TG: variants seen among roughly 807,000 people sequenced by gnomAD.
TG encodes thyroglobulin.
Under a neutral mutation model 324.7 loss-of-function variants are expected in TG, and 270 were observed. The ratio of observed to expected loss-of-function variants is 0.83; its 90% CI spans 0.75 to 0.92. The LOEUF (loss-of-function observed/expected upper bound fraction) is 0.92, where lower values mean the gene tolerates loss of function less well. TG is among the 40% of genes least tolerant of loss of function. The probability of loss-of-function intolerance (pLI) is 0.00; values close to 1 mark genes in which losing one functional copy is unlikely to be tolerated. For missense variants in TG, 3,591 were observed against 3,456.4 expected (o/e 1.04, Z -0.98); for synonymous variants, 1,401 against 1,327.0 (o/e 1.06, Z -1.21).
intron 10 of TG, among the ~76,000 whole-genome samples, chr8:132,893,217 G>GT (rs1816541499): frequency 7.1e-6 from 1 of 140,464 alleles, no homozygotes; most frequent in East Asian, 2.3e-4. Flanking sequence ...ATGTGTGTGT[G>GT]GTGTGTATAT....
intron 26 of TG, among the ~76,000 whole-genome samples, chr8:132,941,899 G>A (rs1417353537): frequency 1.3e-5 from 2 of 152,170 alleles, no homozygotes; most frequent in Non-Finnish European, 2.9e-5. Context: ...GACCCAAGTT[G>A]TGTCTTCCAC....
intron 34 of TG, among the ~76,000 whole-genome samples, chr8:132,974,454 A>G (rs985830465): frequency 6.6e-6 from 1 of 152,120 alleles, no homozygotes; most frequent in Non-Finnish European, 1.5e-5. Flanking sequence ...TGTTTTTTCC[A>G]TTTTAAGGTG....
chr8:133,074,839 T>TC, intron 41 of TG: 1 of 985,064 alleles, frequency 1.0e-6, no homozygotes, highest in African/African-American at 1.7e-5. Flanking sequence ...CTCTGCCACA[T>TC]ACTCCCAAAA....
rs767000521 is a variant in TG, at chr8:132,898,210, G to A, written c.3181G>A (p.Gly1061Ser). ...CVDEKGGFIP[G>S]SLTARSLQIP... The stretch of plus-strand genomic sequence containing the variant: ...AGATGAGAAAGGAGGGTTCATCCCT[G>A]GCTCACTGACTGCCCGCTCTCTGCA... The change falls in exon 13 of 48, where the codon GGC becomes AGC. Residue 1061 changes from glycine (G) to serine (S), a missense_variant. Physicochemically the swap from Gly to Ser is moderately conservative, Grantham distance 56. Transcript: ENST00000220616. 3 of 1,605,452 alleles carry A rather than the reference G, an allele frequency of 1.9e-6. No homozygotes were observed. The African/African-American group carries it at 4.0e-5, about 21-fold the overall frequency.
At chr8:132,880,671 A>G (rs774232999) in intron 5 of TG, among the ~76,000 whole-genome samples, 2 of 152,210 alleles carry the variant, frequency 1.3e-5, no homozygotes, top group African/African-American at 2.4e-5. Context: ...ATTAACTTGA[A>G]TGGAAATTCA....
At chr8:133,122,684 C>T (rs1291286047) in intron 45 of TG, among the ~76,000 whole-genome samples, 1 of 152,152 alleles carries the variant, frequency 6.6e-6, no homozygotes, top group Non-Finnish European at 1.5e-5. Flanking sequence ...GGGACACTGC[C>T]TGCATGGTGT....
At chr8:132,989,473 T>A (rs945416185) in intron 35 of TG, among the ~76,000 whole-genome samples, 2 of 152,206 alleles carry the variant, frequency 1.3e-5, no homozygotes, top group Admixed American at 6.5e-5. Flanking sequence ...TGAAGAAGGC[T>A]GCAGCTGAGA....
intron 43 of TG, among the ~76,000 whole-genome samples, chr8:133,100,969 T>TC (rs1849159692): frequency 6.6e-6 from 1 of 151,902 alleles, no homozygotes. Flanking sequence ...CGATTTTTTT[T>TC]CTGGGAAAGA....
chr8:133,062,233 C>T (rs1334878794), intron 41 of TG, among the ~76,000 whole-genome samples: 1 of 152,188 alleles, frequency 6.6e-6, no homozygotes, highest in Non-Finnish European at 1.5e-5. Flanking sequence ...ACCAGAAAAA[C>T]ATGCGCACCC....
intron 1 of TG, 37 bp from the exon 2 acceptor site, chr8:132,868,078 C>A (rs1839136558): frequency 6.3e-7 from 1 of 1,591,988 alleles, no homozygotes; most frequent in Non-Finnish European, 8.6e-7. Flanking sequence ...CAGCCCAGTC[C>A]ACACTCTTCT....
intron 35 of TG, among the ~76,000 whole-genome samples, chr8:132,998,908 G>C (rs1833157027): frequency 6.6e-6 from 1 of 152,166 alleles, no homozygotes; most frequent in Admixed American, 6.5e-5. Context: ...CTAAGATGAT[G>C]AAACCACTCA....
chr8:132,934,710 T>A (rs943687760), intron 24 of TG, among the ~76,000 whole-genome samples: 2 of 152,188 alleles, frequency 1.3e-5, no homozygotes, highest in African/African-American at 2.4e-5. Context: ...CTGTAGCCCC[T>A]GTCCTCCAAA....
intron 34 of TG, among the ~76,000 whole-genome samples, chr8:132,982,292 G>T (rs1573825): frequency 6.6e-6 from 1 of 151,926 alleles, no homozygotes; most frequent in East Asian, 1.9e-4. Flanking sequence ...CCCTACTTTT[G>T]ACTGCTGGCC....
At chr8:132,970,026 A>G (rs766085835) in intron 32 of TG, among the ~76,000 whole-genome samples, 2 of 151,916 alleles carry the variant, frequency 1.3e-5, no homozygotes, top group Non-Finnish European at 2.9e-5. Context: ...AGTTACTGAT[A>G]GTAAACACAA....
intron 1 of TG, among the ~76,000 whole-genome samples, chr8:132,867,910 G>T (rs1367090563): frequency 1.3e-5 from 2 of 152,116 alleles, no homozygotes; most frequent in East Asian, 1.9e-4. Flanking sequence ...AGGATATATT[G>T]CCTGTCACCT....
intron 18 of TG, among the ~76,000 whole-genome samples, chr8:132,909,013 GA>G (rs1321855077): frequency 2.6e-5 from 4 of 152,240 alleles, no homozygotes; most frequent in Admixed American, 1.3e-4. Flanking sequence ...GCAAAAGAGG[GA>G]ACTGCAAATT....
At chr8:132,982,879 G>A (rs140436730) in intron 34 of TG, among the ~76,000 whole-genome samples, 27 of 152,268 alleles carry the variant, frequency 1.8e-4, no homozygotes, top group African/African-American at 5.3e-4. Flanking sequence ...TCTCTGGGAC[G>A]GGGTAGGACT....
At chr8:132,914,790 A>G (rs1820048688) in intron 20 of TG, among the ~76,000 whole-genome samples, 1 of 152,156 alleles carries the variant, frequency 6.6e-6, no homozygotes, top group East Asian at 1.9e-4. Flanking sequence ...GGGACAAGAA[A>G]CAGAAGCAGG....
chr8:133,022,225 C>T, intron 40 of TG, 75 bp downstream of exon 40: 1 of 1,590,606 alleles, frequency 6.3e-7, no homozygotes, highest in African/African-American at 1.3e-5. Flanking sequence ...AGACCCATCC[C>T]CTCACTGCCC....
Sources: allele counts gnomAD v4.1 joint callset (sites outside exome capture counted in the v4.1 genomes callset), GRCh38; gene constraint gnomAD v4.1.1; transcripts MANE v1.5; gene names NCBI Gene and HGNC (gene_info 2026-07-23, HGNC 2026-07-21).